SHANK2: variants seen among roughly 807,000 people sequenced by gnomAD.
SHANK2 encodes SH3 and multiple ankyrin repeat domains 2.
A neutral mutation model predicts 133.7 loss-of-function variants in SHANK2; 43 were observed. The ratio of observed to expected loss-of-function variants is 0.32; its 90% CI spans 0.25 to 0.41. The LOEUF is 0.41. Ranked by LOEUF, SHANK2 falls within the 10% of genes least tolerant of loss-of-function variation. The pLI is 1.00. For synonymous variants in SHANK2, 1,017 were observed against 952.8 expected (o/e 1.07, Z -1.24); for missense variants, 1,994 against 2,235.8 (o/e 0.89, Z 2.18).
chr11:70,499,612 G>A (rs1555157929), intron 21 of SHANK2, among the ~76,000 whole-genome samples: 1 of 152,232 alleles, frequency 6.6e-6, no homozygotes, highest in Non-Finnish European at 1.5e-5. Flanking sequence ...TGGATTGAAG[G>A]GGTGTTCACA....
At chr11:70,649,964 G>A (rs1371677958) in intron 17 of SHANK2, among the ~76,000 whole-genome samples, 3 of 152,206 alleles carry the variant, frequency 2.0e-5, no homozygotes, top group Non-Finnish European at 4.4e-5. Flanking sequence ...GCATGCTGGA[G>A]ATGTAGCAGA....
At chr11:70,740,013 C>T (rs564763448) in intron 14 of SHANK2, among the ~76,000 whole-genome samples, 52 of 152,342 alleles carry the variant, frequency 3.4e-4, no homozygotes, top group African/African-American at 1.1e-3. Flanking sequence ...ACCAGGGGCC[C>T]GGCAGGGGCA....
At chr11:70,934,588 C>A (rs1453557670) in intron 10 of SHANK2, among the ~76,000 whole-genome samples, 2 of 152,220 alleles carry the variant, frequency 1.3e-5, no homozygotes, top group Non-Finnish European at 2.9e-5. Context: ...CCTCTCCTGG[C>A]ATTCTTTGCA....
At chr11:70,747,170 A>C (rs528110986) in intron 14 of SHANK2, among the ~76,000 whole-genome samples, 62 of 151,994 alleles carry the variant, frequency 4.1e-4, no homozygotes, top group African/African-American at 1.4e-3. Context: ...CAGAAGTAGG[A>C]GACTGAAGGG....
At chr11:70,656,554 A>G (rs1192008703) in intron 17 of SHANK2, among the ~76,000 whole-genome samples, 2 of 152,030 alleles carry the variant, frequency 1.3e-5, no homozygotes, top group Admixed American at 6.6e-5. Flanking sequence ...GGGCTGGCTG[A>G]CATTTCACAA....
intron 2 of SHANK2, among the ~76,000 whole-genome samples, chr11:71,152,580 G>A (rs1555108298): frequency 1.3e-5 from 2 of 152,150 alleles, no homozygotes; most frequent in Non-Finnish European, 2.9e-5. Context: ...TCACCCCCTA[G>A]GACTCCTGTG....
chr11:70,544,023 A>G (rs781895591), intron 17 of SHANK2, among the ~76,000 whole-genome samples: 2 of 152,176 alleles, frequency 1.3e-5, no homozygotes, highest in African/African-American at 2.4e-5. Flanking sequence ...TTTTTCCTAT[A>G]GCCTCACAGT....
intron 17 of SHANK2, among the ~76,000 whole-genome samples, chr11:70,556,594 T>TC (rs1554979685): frequency 3.4e-5 from 1 of 29,394 alleles, no homozygotes; most frequent in East Asian, 5.7e-4. Context: ...TTTTTTCTTT[T>TC]TTTTTTTTTT....
intron 11 of SHANK2, among the ~76,000 whole-genome samples, chr11:70,829,187 C>T (rs1948690502): frequency 6.6e-6 from 1 of 152,178 alleles, no homozygotes; most frequent in Non-Finnish European, 1.5e-5. Context: ...CCTTTTTCCC[C>T]TCACGGGGGC....
At chr11:70,718,824 A>G (rs1555028207) in intron 14 of SHANK2, among the ~76,000 whole-genome samples, 4 of 150,804 alleles carry the variant, frequency 2.7e-5, no homozygotes. Flanking sequence ...GGGATACTCA[A>G]TGGATGTCCT....
chr11:70,838,328 G>A (rs1483823278), intron 11 of SHANK2, among the ~76,000 whole-genome samples: 1 of 152,196 alleles, frequency 6.6e-6, no homozygotes, highest in African/African-American at 2.4e-5. Context: ...AACAATTGTG[G>A]CTTCCTTTGG....
chr11:71,249,997 C>T (rs774794659), intron 1 of SHANK2, among the ~76,000 whole-genome samples: 1 of 152,124 alleles, frequency 6.6e-6, no homozygotes, highest in Non-Finnish European at 1.5e-5. Flanking sequence ...CCCTAAGCAC[C>T]TGAATGAAGA....
chr11:70,737,372 A>G (rs1255610267), intron 14 of SHANK2, among the ~76,000 whole-genome samples: 1 of 152,250 alleles, frequency 6.6e-6, no homozygotes, highest in South Asian at 2.1e-4. Flanking sequence ...ATCCTCACCC[A>G]TCAGGGTCCC....
rs377160754 is a variant in SHANK2, at chr11:70,806,051, G to A, written c.1663+951C>T. Among the ~76,000 whole-genome samples, 85 of 152,360 alleles carry A rather than the reference G, an allele frequency of 5.6e-4. 1 individual carries two copies. Among genetic ancestry groups the A allele is most frequent in the African/African-American group, 1.7e-3 (71 of 41,594 alleles). ...CAAGCTGACCTGATCAGTGTGTCGC[G>A]CAGAGAAAGGAACTGAGTCAATTAC... On this transcript the variant is annotated intron_variant, in intron 13 of 25. Transcript: ENST00000601538.
At chr11:70,585,082 G>T (rs374491396) in intron 17 of SHANK2, among the ~76,000 whole-genome samples, 1 of 152,204 alleles carries the variant, frequency 6.6e-6, no homozygotes, top group Non-Finnish European at 1.5e-5. Flanking sequence ...GGTGAATACC[G>T]CCTCGCAGCC....
intron 11 of SHANK2, among the ~76,000 whole-genome samples, chr11:70,844,617 TC>T (rs1450072091): frequency 2.0e-5 from 3 of 152,208 alleles, no homozygotes; most frequent in African/African-American, 7.2e-5. Context: ...TACGTAATAT[TC>T]CTGGAGGATA....
At chr11:70,476,947 G>A (rs1555150229) in intron 25 of SHANK2, among the ~76,000 whole-genome samples, 1 of 152,232 alleles carries the variant, frequency 6.6e-6, no homozygotes, top group East Asian at 1.9e-4. Flanking sequence ...CCAGAGGGTT[G>A]CCCCAGTGCT....
chr11:70,744,759 T>C (rs1555035608), intron 14 of SHANK2, among the ~76,000 whole-genome samples: 1 of 152,186 alleles, frequency 6.6e-6, no homozygotes, highest in Non-Finnish European at 1.5e-5. Flanking sequence ...CCCTGGGCTG[T>C]GGGAGCCCTG....
At chr11:71,073,127 G>GTTTTTTTT (rs1277169505) in intron 9 of SHANK2, among the ~76,000 whole-genome samples, 2 of 93,780 alleles carry the variant, frequency 2.1e-5, no homozygotes, top group Non-Finnish European at 5.0e-5. Context: ...CTTGCTTTTT[G>GTTTTTTTT]TTTTTTTTCT....
Sources: gnomAD v4.1 joint callset for allele counts (sites outside exome capture counted in the v4.1 genomes callset) on GRCh38, gnomAD v4.1.1 for gene constraint, MANE v1.5 for transcripts, NCBI Gene and HGNC (gene_info 2026-07-23, HGNC 2026-07-21) for gene names.